The following SNTG2 variants were observed in gnomAD, a reference collection of about 807,000 sequenced individuals.
SNTG2 encodes the protein syntrophin gamma 2.
Under a neutral mutation model 70.9 loss-of-function variants are expected in SNTG2, and 74 were observed. That is an observed-to-expected ratio of 1.04 (90% CI 0.86 to 1.27). The LOEUF is 1.27. Among genes scored for constraint, SNTG2 ranks in the 50% most tolerant of loss-of-function variants. The pLI, the probability that SNTG2 is intolerant of heterozygous loss-of-function variation, is 0.00. For missense variants in SNTG2, 717 were observed against 690.7 expected (o/e 1.04, Z -0.43); for synonymous variants, 278 against 273.8 (o/e 1.02, Z -0.15).
chr2:1,235,158 C>T (rs1676530551), intron 9 of SNTG2, among the ~76,000 whole-genome samples: 2 of 150,202 alleles, frequency 1.3e-5, no homozygotes, highest in Admixed American at 6.6e-5. Flanking sequence ...ACCCCCGATT[C>T]ATGAGAGGGG....
chr2:1,119,723 T>C (rs1229333501), intron 4 of SNTG2, among the ~76,000 whole-genome samples: 2 of 151,394 alleles, frequency 1.3e-5, no homozygotes, highest in South Asian at 2.1e-4. Context: ...CCACAGAAAA[T>C]TATCACGTTA....
At chr2:1,325,002 G>T (rs144936952) in intron 16 of SNTG2, among the ~76,000 whole-genome samples, 1 of 152,154 alleles carries the variant, frequency 6.6e-6, no homozygotes, top group Non-Finnish European at 1.5e-5. Flanking sequence ...TGTGCTTGCC[G>T]CAAGGTCAGG....
At chr2:1,029,603 A>G (rs1016898999) in intron 1 of SNTG2, among the ~76,000 whole-genome samples, 1 of 152,158 alleles carries the variant, frequency 6.6e-6, no homozygotes, top group Non-Finnish European at 1.5e-5. Flanking sequence ...CTGGCGTTAC[A>G]CCCTGAGACC....
chr2:1,208,043 G>A (rs1008431359), intron 8 of SNTG2, among the ~76,000 whole-genome samples: 5 of 152,168 alleles, frequency 3.3e-5, no homozygotes, highest in Admixed American at 3.3e-4. Context: ...GTTTTCTCAC[G>A]GCGCCCCTGC....
chr2:1,235,429 G>A (rs61400587), intron 9 of SNTG2, among the ~76,000 whole-genome samples: 3 of 90,942 alleles, frequency 3.3e-5, no homozygotes, highest in Non-Finnish European at 5.9e-5. Flanking sequence ...AGGCACCCCC[G>A]ATTCATGAGA....
intron 1 of SNTG2, among the ~76,000 whole-genome samples, chr2:1,053,694 C>T (rs1289327597): frequency 1.3e-5 from 2 of 152,154 alleles, no homozygotes; most frequent in Non-Finnish European, 2.9e-5. Flanking sequence ...TTGTGTGATG[C>T]AGTTAGGCCT....
chr2:1,076,670 T>G (rs1313607757), intron 1 of SNTG2, among the ~76,000 whole-genome samples: 1 of 152,198 alleles, frequency 6.6e-6, no homozygotes, highest in Non-Finnish European at 1.5e-5. Context: ...TGCACTCAGC[T>G]GCATAAATAA....
intron 14 of SNTG2, among the ~76,000 whole-genome samples, chr2:1,302,209 T>C (rs560316468): frequency 1.3e-5 from 2 of 152,132 alleles, no homozygotes; most frequent in Non-Finnish European, 2.9e-5. Flanking sequence ...TCCTCCCACC[T>C]CAGCCTCCCA....
intron 1 of SNTG2, among the ~76,000 whole-genome samples, chr2:1,080,280 A>G (rs1377190955): frequency 2.6e-5 from 4 of 152,184 alleles, no homozygotes; most frequent in African/African-American, 9.7e-5. Context: ...TAGCAGGATG[A>G]TATGGCCTCT....
At position 1,119,445 on chromosome 2, in the gene SNTG2, A is replaced by T. The variant is rs192305965; in HGVS notation, c.326-18177A>T. 3.4e-3 allele frequency among the ~76,000 whole-genome samples: 517 copies of T among 152,292 alleles called. 2 individuals are homozygous for T. The highest frequency in any genetic ancestry group is 0.017 in the Middle Eastern group (5 of 294). On this transcript the variant is annotated intron_variant, in intron 4 of 16. Transcript: ENST00000308624. ...GTCTCCAGTATGAAGGTAAAAAGTC[A>T]AAACAGTAAAACTAAGGCCATAATA...
At chr2:991,731 G>T (rs1661500843) in intron 1 of SNTG2, among the ~76,000 whole-genome samples, 1 of 152,186 alleles carries the variant, frequency 6.6e-6, no homozygotes, top group Admixed American at 6.5e-5. Context: ...AGGCACAGCT[G>T]GTTCAGGTTT....
chr2:976,994 G>A (rs967930689), intron 1 of SNTG2, among the ~76,000 whole-genome samples: 1 of 152,184 alleles, frequency 6.6e-6, no homozygotes, highest in Non-Finnish European at 1.5e-5. Context: ...ATTTCTCAAG[G>A]ATTGGAGGTG....
intron 1 of SNTG2, among the ~76,000 whole-genome samples, chr2:1,064,118 A>G (rs1663001388): frequency 6.6e-6 from 1 of 152,212 alleles, no homozygotes; most frequent in African/African-American, 2.4e-5. Flanking sequence ...GGGCGAGAAG[A>G]AAATAGAACC....
intron 1 of SNTG2, among the ~76,000 whole-genome samples, chr2:1,071,789 AGC>A (rs1472603396): frequency 2.0e-5 from 3 of 152,220 alleles, no homozygotes; most frequent in African/African-American, 7.2e-5. Flanking sequence ...GAAATTAAGA[AGC>A]GCTGCTCCAG....
intron 1 of SNTG2, among the ~76,000 whole-genome samples, chr2:988,854 CT>C (rs1242981598): frequency 6.6e-6 from 1 of 151,994 alleles, no homozygotes; most frequent in African/African-American, 2.4e-5. Context: ...GTCAAAAATA[CT>C]GAATTTTTCA....
intron 14 of SNTG2, among the ~76,000 whole-genome samples, chr2:1,304,032 AAC>A (rs1200685605): frequency 6.6e-6 from 1 of 152,216 alleles, no homozygotes; most frequent in Non-Finnish European, 1.5e-5. Context: ...TGTCAAAGAG[AAC>A]ACCAATATCT....
intron 1 of SNTG2, among the ~76,000 whole-genome samples, chr2:1,057,933 A>G (rs77867737): frequency 0.012 from 1,799 of 152,294 alleles, 36 homozygotes; most frequent in African/African-American, 0.04. Flanking sequence ...CCAGCTACTC[A>G]GGAGAATTGT....
chr2:1,254,440 A>G (rs1677932922), intron 12 of SNTG2, among the ~76,000 whole-genome samples: 1 of 152,260 alleles, frequency 6.6e-6, no homozygotes, highest in Non-Finnish European at 1.5e-5. Flanking sequence ...AATAAGTTAT[A>G]AAGTCAATTT....
At chr2:1,335,211 G>A (rs1388116487) in intron 16 of SNTG2, among the ~76,000 whole-genome samples, 1 of 152,182 alleles carries the variant, frequency 6.6e-6, no homozygotes, top group Non-Finnish European at 1.5e-5. Context: ...GGCTTTCCAT[G>A]TGACAGATGC....
Sources: gnomAD v4.1 joint callset for allele counts (sites outside exome capture counted in the v4.1 genomes callset) on GRCh38, gnomAD v4.1.1 for gene constraint, MANE v1.5 for transcripts, NCBI Gene and HGNC (gene_info 2026-07-23, HGNC 2026-07-21) for gene names.